Variants in TMEM41A observed in about 807,000 individuals in gnomAD.
TMEM41A encodes transmembrane protein 41A.
TMEM41A carries 20 observed loss-of-function variants against 25.7 expected under a neutral mutation model. The observed-to-expected ratio is 0.78, with a 90% CI of 0.55 to 1.13. The LOEUF is 1.13. Ranked by LOEUF, TMEM41A falls within the 50% of genes most tolerant of loss-of-function variation. TMEM41A has a pLI of 0.00. For synonymous variants in TMEM41A, 133 were observed against 139.6 expected (o/e 0.95, Z 0.33); for missense variants, 299 against 314.3 (o/e 0.95, Z 0.37).
At chr3:185,497,683 C>T (rs1719142890) in intron 1 of TMEM41A, among the ~76,000 whole-genome samples, 1 of 152,184 alleles carries the variant, frequency 6.6e-6, no homozygotes, top group South Asian at 2.1e-4. Flanking sequence ...TCTGAACAGT[C>T]CTTGAATCCA....
chr3:185,496,483 G>C, intron 2 of TMEM41A: 1 of 354,846 alleles, frequency 2.8e-6, no homozygotes, highest in Non-Finnish European at 5.5e-6. Flanking sequence ...CAGCCTCAAG[G>C]AGTCAGCCCC....
intron 2 of TMEM41A, 100 bp downstream of exon 2, chr3:185,496,728 A>G: frequency 6.9e-7 from 1 of 1,454,742 alleles, no homozygotes; most frequent in South Asian, 1.2e-5. Context: ...ACCCACTGTC[A>G]CTTTTAATCA....
At position 185,496,985 on chromosome 3, in the gene TMEM41A, G is replaced by T. The variant is rs780996779; in HGVS notation, c.120-4C>A. 1.9e-6 allele frequency: 3 copies of T among 1,590,680 alleles called. No homozygotes were observed. The South Asian group carries it at 3.4e-5, about 18-fold the overall frequency. ...GTCGGAGGGGAACCACAGCGACCTG[G>T]GGATTTGGAAAAGCAGATGGAAACA... On this transcript the variant is annotated splice_polypyrimidine_tract_variant and splice_region_variant and intron_variant, in intron 1 of 4. Coordinates refer to ENST00000421852, the MANE Select transcript of TMEM41A (RefSeq NM_080652.4).
intron 1 of TMEM41A, among the ~76,000 whole-genome samples, chr3:185,498,086 C>A (rs1450578565): frequency 9.2e-6 from 1 of 108,288 alleles, no homozygotes; most frequent in African/African-American, 3.5e-5. Flanking sequence ...ATGAGACCCC[C>A]CCCCCGCGTC....
At chr3:185,496,366 G>A (rs1719101053) in intron 2 of TMEM41A, 1 of 236,314 alleles carries the variant, frequency 4.2e-6, no homozygotes, top group Non-Finnish European at 8.6e-6. Context: ...AGCACAGCAG[G>A]CAGAGTCAGG....
At chr3:185,495,845 CAG>C (rs1235050108) in intron 2 of TMEM41A, 1 of 154,376 alleles carries the variant, frequency 6.5e-6, no homozygotes, top group African/African-American at 2.4e-5. Context: ...ATAAAAGCCT[CAG>C]GGGGCAGGAG....
At position 185,498,978 on chromosome 3, in the gene TMEM41A, G is replaced by A. The variant is rs775391973; in HGVS notation, c.-17C>T. On this transcript the variant is annotated 5_prime_UTR_variant, in exon 1 of 5. Coordinates refer to ENST00000421852, the MANE Select transcript of TMEM41A (RefSeq NM_080652.4). Reference sequence around the variant, plus strand: ...CGGGCGCATGTCGGCTCCGCACCCCGGCCCGCGGGGCAGCCGAGAAGCTCA... The same window carrying A: ...CGGGCGCATGTCGGCTCCGCACCCCAGCCCGCGGGGCAGCCGAGAAGCTCA... 6.3e-7 allele frequency: 1 copy of A among 1,579,010 alleles called. No homozygotes were observed. The highest frequency in any genetic ancestry group is 8.6e-7 in the Non-Finnish European group (1 of 1,162,184).
At chr3:185,492,169 G>C (rs1203958195) in intron 4 of TMEM41A, 1 of 160,156 alleles carries the variant, frequency 6.2e-6, no homozygotes, top group Non-Finnish European at 1.4e-5. Flanking sequence ...GGGTGTGGTG[G>C]CATGTGCCTG....
chr3:185,496,161 T>C (rs1250577053), intron 2 of TMEM41A: 4 of 154,124 alleles, frequency 2.6e-5, no homozygotes, highest in African/African-American at 7.2e-5. Flanking sequence ...TGCATTTTGG[T>C]TGGTAGACAT....
intron 4 of TMEM41A, chr3:185,493,015 T>G (rs1057189857): frequency 6.6e-6 from 1 of 152,234 alleles, no homozygotes; most frequent in Non-Finnish European, 1.5e-5. Flanking sequence ...GTATCTCCTA[T>G]GAATAGCAGC....
chr3:185,492,650 A>G (rs1294759473), intron 4 of TMEM41A: 1 of 152,232 alleles, frequency 6.6e-6, no homozygotes, highest in Non-Finnish European at 1.5e-5. Context: ...CACCCCAGAA[A>G]TTCTGGGTAC....
chr3:185,494,639 G>T lies in TMEM41A; in HGVS notation c.558C>A (p.Phe186Leu), dbSNP rs1258306772. ...GCATCTTACCGATAAGAACTGAGAA[G>T]AAGAACTGCACGATGGGAATGTTCA... The part of the protein sequence containing the change: ...PILNIPIVQF[F>L]FSVLIGLIPY... The change falls in exon 4 of 5, where the codon TTC becomes TTA. Residue 186 changes from phenylalanine (F) to leucine (L), a missense_variant. Phe to Leu is a conservative substitution (Grantham distance 22). Coordinates refer to ENST00000421852, the MANE Select transcript of TMEM41A (RefSeq NM_080652.4). The T allele has an allele frequency of 1.2e-6, 2 of 1,607,282 alleles. No individual in the cohort carries two copies. The highest frequency in any genetic ancestry group is 1.7e-6 in the Non-Finnish European group (2 of 1,177,638).
Position 185,491,452 on chromosome 3 carries a change from A to G in TMEM41A, c.*85T>C. ...TCCACATCACCTATAGAAGGCAATC[A>G]AAAACAATGAGGGGCTTTAGAGGAC... On this transcript the variant is annotated 3_prime_UTR_variant, in exon 5 of 5. Transcript: ENST00000421852. 1 of 1,133,070 alleles carries G rather than the reference A, an allele frequency of 8.8e-7. No homozygotes were observed. The highest frequency in any genetic ancestry group is 1.3e-6 in the Non-Finnish European group (1 of 773,924). 70.2% of individuals were successfully genotyped at this position (1,133,070 alleles called of 1,614,324 possible). A position where few individuals can be genotyped will look rare whatever the true frequency, so the allele number is the denominator to read the frequency against.
Position 185,490,305 on chromosome 3 carries a change from C to A in TMEM41A, c.*1232G>T, listed in dbSNP as rs1039942437. The A allele has an allele frequency of 5.9e-5, 9 of 152,176 alleles. No homozygotes were observed. Among genetic ancestry groups the A allele is most frequent in the African/African-American group, 2.2e-4 (9 of 41,450 alleles). 9.4% of individuals were successfully genotyped at this position (152,176 alleles called of 1,614,324 possible). On this transcript the variant is annotated 3_prime_UTR_variant, in exon 5 of 5. Coordinates refer to ENST00000421852, the MANE Select transcript of TMEM41A (RefSeq NM_080652.4). ...GATACAATTGTTTAGTTACTCTAAG[C>A]AAATACAACAATGAAAAACATTCAG...
chr3:185,494,525 T>C, intron 4 of TMEM41A, 98 bp downstream of exon 4: 3 of 1,326,742 alleles, frequency 2.3e-6, no homozygotes, highest in East Asian at 2.6e-5. Flanking sequence ...TGAGCCTGTG[T>C]TCTCAGAAGC....
chr3:185,495,431 C>A lies in TMEM41A; in HGVS notation c.274-116G>T. The A allele has an allele frequency of 3.2e-6, 3 of 928,850 alleles. No individual in the cohort carries two copies. The East Asian group carries it at 7.9e-5, about 24-fold the overall frequency. The allele number at this position is 928,850 out of a possible 1,614,324, so 57.5% of individuals were successfully genotyped here. A position where few individuals can be genotyped will look rare whatever the true frequency, so the allele number is the denominator to read the frequency against. Reference sequence around the variant, plus strand: ...CTTCACTGCTTTTTTCCAGCTAAAACCCAATTGCGTTATTTATTTATTTTT... The same window carrying A: ...CTTCACTGCTTTTTTCCAGCTAAAAACCAATTGCGTTATTTATTTATTTTT... On this transcript the variant is annotated intron_variant, in intron 2 of 4. Transcript: ENST00000421852.
At chr3:185,496,497 C>T in intron 2 of TMEM41A, 1 of 366,116 alleles carries the variant, frequency 2.7e-6, no homozygotes, top group Non-Finnish European at 5.3e-6. Flanking sequence ...CAGCCCCTGA[C>T]CCCGAGCCCC....
chr3:185,492,732 T>C (rs372843709), intron 4 of TMEM41A: 2 of 152,152 alleles, frequency 1.3e-5, no homozygotes, highest in Non-Finnish European at 2.9e-5. Flanking sequence ...GAGATTCCGA[T>C]TGGTTTGGAA....
chr3:185,497,195 G>A (rs1719129713), intron 1 of TMEM41A, among the ~76,000 whole-genome samples: 1 of 152,220 alleles, frequency 6.6e-6, no homozygotes. Context: ...ACCTGGGTTA[G>A]CATCCCAACC....
Sources: allele counts gnomAD v4.1 joint callset (sites outside exome capture counted in the v4.1 genomes callset), GRCh38; gene constraint gnomAD v4.1.1; transcripts MANE v1.5; gene names NCBI Gene and HGNC (gene_info 2026-07-23, HGNC 2026-07-21).